CSMD1: variants seen among roughly 807,000 people sequenced by gnomAD.
CSMD1 encodes the protein CUB and Sushi multiple domains 1, also known as CUB and sushi domain-containing protein 1.
CSMD1 carries 213 observed loss-of-function variants against 417.5 expected under a neutral mutation model. The observed-to-expected ratio is 0.51, with a 90% CI of 0.46 to 0.57. The LOEUF (loss-of-function observed/expected upper bound fraction) is 0.57, where lower values mean the gene tolerates loss of function less well. Among genes scored for constraint, CSMD1 ranks in the 20% least tolerant of loss-of-function variants. CSMD1 has a pLI of 0.00. For synonymous variants in CSMD1, 2,862 were observed against 1,736.8 expected (o/e 1.65, Z -16.11); for missense variants, 6,923 against 4,529.7 (o/e 1.53, Z -15.17).
chr8:3,396,690 T>C (rs1198874563), intron 16 of CSMD1, among the ~76,000 whole-genome samples: 4 of 152,078 alleles, frequency 2.6e-5, no homozygotes, highest in South Asian at 2.1e-4. Context: ...AGATGATAGA[T>C]TGATAGATAG....
At chr8:4,387,904 T>G (rs1803563989) in intron 3 of CSMD1, among the ~76,000 whole-genome samples, 1 of 152,002 alleles carries the variant, frequency 6.6e-6, no homozygotes, top group South Asian at 2.1e-4. Flanking sequence ...CAAGATTATA[T>G]AAAGAAAAAA....
chr8:4,382,636 A>G (rs1045766224), intron 3 of CSMD1, among the ~76,000 whole-genome samples: 1 of 152,242 alleles, frequency 6.6e-6, no homozygotes, highest in Non-Finnish European at 1.5e-5. Context: ...ATTGCATCTA[A>G]GTTTAGGAAA....
chr8:3,294,133 G>C (rs752049791), intron 25 of CSMD1, among the ~76,000 whole-genome samples: 2 of 152,206 alleles, frequency 1.3e-5, no homozygotes, highest in Non-Finnish European at 1.5e-5. Flanking sequence ...AGAGACTGCA[G>C]AACAGCAGAT....
chr8:4,325,587 T>C lies in CSMD1; in HGVS notation c.415+94366A>G, dbSNP rs78128311. Among the ~76,000 whole-genome samples the C allele has an allele frequency of 8.2e-3, 1,249 of 152,208 alleles. 11 individuals carry two copies. The highest frequency in any genetic ancestry group is 0.028 in the African/African-American group (1,158 of 41,526). The stretch of plus-strand genomic sequence containing the variant: ...TTAGCTTTTCCGGTGAGGTAAGAAT[T>C]ATTATAGTAGGCAGGGCAACATGAA... On this transcript the variant is annotated intron_variant, in intron 3 of 69. Coordinates refer to ENST00000635120, the MANE Select transcript of CSMD1 (RefSeq NM_033225.6).
At chr8:4,796,351 G>T (rs1277569954) in intron 1 of CSMD1, among the ~76,000 whole-genome samples, 1 of 152,070 alleles carries the variant, frequency 6.6e-6, no homozygotes, top group Admixed American at 6.5e-5. Flanking sequence ...CATATCCTCA[G>T]CCAGACCCAG....
At chr8:3,739,717 T>C (rs1033733115) in intron 6 of CSMD1, among the ~76,000 whole-genome samples, 8 of 152,180 alleles carry the variant, frequency 5.3e-5, no homozygotes, top group Admixed American at 2.6e-4. Context: ...GTATTATAAG[T>C]TTTAAACTAT....
intron 3 of CSMD1, among the ~76,000 whole-genome samples, chr8:4,277,732 A>T (rs886957094): frequency 6.6e-6 from 1 of 152,028 alleles, no homozygotes; most frequent in African/African-American, 2.4e-5. Context: ...GACCTTACCC[A>T]TTCCCTAAAT....
intron 1 of CSMD1, among the ~76,000 whole-genome samples, chr8:4,714,791 G>C (rs1338266754): frequency 1.3e-5 from 2 of 151,976 alleles, no homozygotes; most frequent in Non-Finnish European, 2.9e-5. Flanking sequence ...GAAAAATTTG[G>C]GATTAAAATA....
At chr8:3,649,679 T>C (rs2117372717) in intron 7 of CSMD1, among the ~76,000 whole-genome samples, 1 of 152,312 alleles carries the variant, frequency 6.6e-6, no homozygotes, top group Non-Finnish European at 1.5e-5. Flanking sequence ...CCACCTGGTC[T>C]CTGCCTTGAC....
chr8:3,032,226 A>C lies in CSMD1; in HGVS notation c.7661-2713T>G, dbSNP rs867892684. 6.6e-5 allele frequency among the ~76,000 whole-genome samples: 10 copies of C among 152,098 alleles called. 1 individual carries two copies. The highest frequency in any genetic ancestry group is 6.2e-4 in the South Asian group (3 of 4,826). ...ATTTGTGCAAATTATCATTTTATTT[A>C]ATATTTTTTAAGAATGATAGGTAGA... On this transcript the variant is annotated intron_variant, in intron 50 of 69. Coordinates refer to ENST00000635120, the MANE Select transcript of CSMD1 (RefSeq NM_033225.6).
intron 8 of CSMD1, among the ~76,000 whole-genome samples, chr8:3,601,986 T>A (rs1248812093): frequency 6.6e-6 from 1 of 151,934 alleles, no homozygotes; most frequent in African/African-American, 2.4e-5. Flanking sequence ...TCGGGAGATG[T>A]GGGTAGGGGA....
chr8:3,833,002 A>G (rs1802462192), intron 5 of CSMD1, among the ~76,000 whole-genome samples: 1 of 152,174 alleles, frequency 6.6e-6, no homozygotes, highest in Admixed American at 6.6e-5. Flanking sequence ...TTTTTATATT[A>G]AAGTGTCAGC....
At chr8:4,809,789 T>A (rs1262117078) in intron 1 of CSMD1, among the ~76,000 whole-genome samples, 4 of 152,228 alleles carry the variant, frequency 2.6e-5, no homozygotes, top group Non-Finnish European at 5.9e-5. Context: ...ATTTGAAATA[T>A]ACTGTGTATT....
chr8:2,970,096 T>A (rs2128931261), intron 57 of CSMD1, among the ~76,000 whole-genome samples: 1 of 152,350 alleles, frequency 6.6e-6, no homozygotes, highest in South Asian at 2.1e-4. Context: ...AAATAAAATT[T>A]TTAAAAATAC....
At chr8:4,220,785 C>A (rs542350522) in intron 3 of CSMD1, among the ~76,000 whole-genome samples, 1 of 152,302 alleles carries the variant, frequency 6.6e-6, no homozygotes, top group East Asian at 1.9e-4. Context: ...CCAAGAAATC[C>A]TTATAACGCA....
chr8:4,855,187 A>G (rs1585217484), intron 1 of CSMD1, among the ~76,000 whole-genome samples: 1 of 149,950 alleles, frequency 6.7e-6, no homozygotes, highest in Non-Finnish European at 1.5e-5. Flanking sequence ...ACTCCAACAG[A>G]CCTGCAGCTG....
intron 5 of CSMD1, among the ~76,000 whole-genome samples, chr8:3,837,549 T>C (rs893760432): frequency 1.3e-5 from 2 of 152,130 alleles, no homozygotes; most frequent in African/African-American, 4.8e-5. Context: ...GCCCCCAAGA[T>C]AACATTACCA....
intron 3 of CSMD1, among the ~76,000 whole-genome samples, chr8:4,359,517 G>C (rs1171614174): frequency 6.6e-6 from 1 of 152,104 alleles, no homozygotes; most frequent in African/African-American, 2.4e-5. Flanking sequence ...CCCCAACCTT[G>C]CAAATAGAGA....
chr8:4,085,203 G>C (rs1233382633), intron 3 of CSMD1, among the ~76,000 whole-genome samples: 2 of 152,106 alleles, frequency 1.3e-5, no homozygotes, highest in African/African-American at 2.4e-5. Context: ...TGCAACTTCA[G>C]CCCAGCTAGA....
Sources: allele counts gnomAD v4.1 joint callset (sites outside exome capture counted in the v4.1 genomes callset), GRCh38; gene constraint gnomAD v4.1.1; transcripts MANE v1.5; gene names NCBI Gene and HGNC (gene_info 2026-07-23, HGNC 2026-07-21).